Variants in TLN2 observed in about 807,000 individuals in gnomAD.
TLN2 encodes the protein talin 2.
Under a neutral mutation model 294.7 loss-of-function variants are expected in TLN2, and 118 were observed. The observed-to-expected ratio is 0.40, with a 90% CI of 0.34 to 0.47. The LOEUF is 0.47. TLN2 is among the 20% of genes least tolerant of loss of function. TLN2 has a pLI of 0.84. For missense variants in TLN2, 3,083 were observed against 3,282.2 expected (o/e 0.94, Z 1.48); for synonymous variants, 1,431 against 1,304.5 (o/e 1.10, Z -2.09).
At chr15:62,496,175 C>T (rs1340049964) in intron 1 of TLN2, among the ~76,000 whole-genome samples, 1 of 152,160 alleles carries the variant, frequency 6.6e-6, no homozygotes, top group South Asian at 2.1e-4. Flanking sequence ...TTTGCTAGGC[C>T]TCCTCTTTCT....
At chr15:62,606,679 C>T (rs901435898) in intron 2 of TLN2, among the ~76,000 whole-genome samples, 5 of 152,294 alleles carry the variant, frequency 3.3e-5, no homozygotes, top group African/African-American at 1.2e-4. Flanking sequence ...TGGATAAGTA[C>T]AGTCATTCAC....
intron 54 of TLN2, among the ~76,000 whole-genome samples, chr15:62,821,885 T>C (rs1027340022): frequency 3.2e-4 from 49 of 152,230 alleles, no homozygotes; most frequent in Admixed American, 1.3e-4. Context: ...TACTTTAAAC[T>C]TAAGAGTCAA....
At chr15:62,647,172 C>T (rs1317307010) in intron 3 of TLN2, 103 bp from the exon 4 acceptor site, 17 of 1,090,612 alleles carry the variant, frequency 1.6e-5, no homozygotes, top group African/African-American at 1.3e-4. Context: ...ATTCTCTTTC[C>T]ATGTTTAAAG....
chr15:62,679,368 C>T (rs758596599), intron 11 of TLN2, among the ~76,000 whole-genome samples: 2 of 152,198 alleles, frequency 1.3e-5, no homozygotes, highest in African/African-American at 2.4e-5. Flanking sequence ...AACAACACAA[C>T]GCATCACCTG....
chr15:62,655,968 C>G lies in TLN2; in HGVS notation c.542C>G (p.Thr181Arg). 6.2e-7 allele frequency: 1 copy of G among 1,614,204 alleles called. No individual in the cohort carries two copies. The highest frequency in any genetic ancestry group is 8.5e-7 in the Non-Finnish European group (1 of 1,180,042). The change falls in exon 8 of 59, where the codon ACA becomes AGA. Residue 181 changes from threonine (T) to arginine (R), a missense_variant. Thr to Arg is a moderately conservative substitution (Grantham distance 71, BLOSUM62 -1). Coordinates refer to ENST00000636159, the MANE Select transcript of TLN2 (RefSeq NM_015059.3). ...GTAAATTGGCTGGATCACAGCCGAA[C>G]ATTCAGAGAACAAGGAGTAGATGAA... ...DDLNWLDHSR[T>R]FREQGVDENE... is the part of the protein sequence containing the mutation.
At chr15:62,448,475 C>T (rs1253192228) in intron 1 of TLN2, among the ~76,000 whole-genome samples, 1 of 152,186 alleles carries the variant, frequency 6.6e-6, no homozygotes, top group Non-Finnish European at 1.5e-5. Context: ...TGTGTGTTTG[C>T]TCCTCCTCCA....
intron 1 of TLN2, among the ~76,000 whole-genome samples, chr15:62,454,825 G>C (rs529504132): frequency 7.2e-5 from 11 of 152,286 alleles, no homozygotes; most frequent in African/African-American, 2.2e-4. Context: ...AGCAGGGACT[G>C]AACTCTTTCG....
intron 1 of TLN2, among the ~76,000 whole-genome samples, chr15:62,577,311 C>T (rs1026161144): frequency 5.3e-5 from 8 of 152,040 alleles, no homozygotes; most frequent in Admixed American, 3.3e-4. Context: ...GGTGTGGTGG[C>T]GCATGCCTTT....
At chr15:62,653,119 C>A in intron 6 of TLN2, 43 bp from the exon 7 acceptor site, 3 of 1,461,954 alleles carry the variant, frequency 2.1e-6, no homozygotes, top group South Asian at 1.4e-5. Context: ...AGGTTGACAG[C>A]AGTTTAATTA....
chr15:62,527,685 T>C (rs2040815522), intron 1 of TLN2, among the ~76,000 whole-genome samples: 1 of 152,252 alleles, frequency 6.6e-6, no homozygotes, highest in African/African-American at 2.4e-5. Context: ...TGCACAATTA[T>C]GTCTGTACAC....
intron 1 of TLN2, among the ~76,000 whole-genome samples, chr15:62,585,516 A>G (rs2045523258): frequency 6.6e-6 from 1 of 152,176 alleles, no homozygotes; most frequent in African/African-American, 2.4e-5. Flanking sequence ...TTGGGGATGC[A>G]GGAGCAGAGT....
intron 33 of TLN2, among the ~76,000 whole-genome samples, chr15:62,749,305 C>G (rs572794544): frequency 6.6e-6 from 1 of 152,346 alleles, no homozygotes; most frequent in East Asian, 1.9e-4. Context: ...CCGAAGCATT[C>G]TGAAAACAGT....
Position 62,650,306 on chromosome 15 carries a change from T to C in TLN2, c.234+125T>C, listed in dbSNP as rs1021381168. 6 of 880,628 alleles carry C rather than the reference T, an allele frequency of 6.8e-6. No homozygotes were observed. The African/African-American group carries it at 8.4e-5, about 12-fold the overall frequency. The allele number at this position is 880,628 out of a possible 1,614,324, so 54.6% of individuals were successfully genotyped here. On this transcript the variant is annotated intron_variant, in intron 5 of 58. Transcript: ENST00000636159. ...TATTAATAGTTCGATGCATTGTACTTTGTAAGGGCTGTTCAGGTGGTGATA... is the reference window on the plus strand; with the variant it reads ...TATTAATAGTTCGATGCATTGTACTCTGTAAGGGCTGTTCAGGTGGTGATA...
At chr15:62,653,963 A>G (rs2052907262) in intron 7 of TLN2, among the ~76,000 whole-genome samples, 2 of 152,190 alleles carry the variant, frequency 1.3e-5, no homozygotes, top group African/African-American at 2.4e-5. Flanking sequence ...CTAATGATGT[A>G]TATTTATGGG....
chr15:62,661,728 G>C (rs1424383935), intron 9 of TLN2, among the ~76,000 whole-genome samples: 3 of 152,092 alleles, frequency 2.0e-5, no homozygotes, highest in Admixed American at 6.5e-5. Context: ...AAAGAGCAGA[G>C]AGAATGACAG....
At chr15:62,494,795 G>A (rs1567028642) in intron 1 of TLN2, among the ~76,000 whole-genome samples, 1 of 151,958 alleles carries the variant, frequency 6.6e-6, no homozygotes, top group East Asian at 1.9e-4. Flanking sequence ...GCATTCATTC[G>A]GTGCTGGAAA....
At chr15:62,539,974 T>C (rs2041580915) in intron 1 of TLN2, among the ~76,000 whole-genome samples, 1 of 151,484 alleles carries the variant, frequency 6.6e-6, no homozygotes, top group African/African-American at 2.4e-5. Flanking sequence ...TGCAGATGCA[T>C]GTAAATACTT....
chr15:62,470,481 C>G (rs2037408407), intron 1 of TLN2, among the ~76,000 whole-genome samples: 1 of 152,242 alleles, frequency 6.6e-6, no homozygotes, highest in Non-Finnish European at 1.5e-5. Flanking sequence ...GCTAGGCTGC[C>G]AAACTTGAAT....
At chr15:62,599,395 T>C (rs961980208) in intron 2 of TLN2, among the ~76,000 whole-genome samples, 1 of 152,186 alleles carries the variant, frequency 6.6e-6, no homozygotes, top group Admixed American at 6.5e-5. Flanking sequence ...TTATATTGAT[T>C]GATTGTAAGG....
Sources: gnomAD v4.1 joint callset for allele counts (sites outside exome capture counted in the v4.1 genomes callset) on GRCh38, gnomAD v4.1.1 for gene constraint, MANE v1.5 for transcripts, NCBI Gene and HGNC (gene_info 2026-07-23, HGNC 2026-07-21) for gene names.